WIPF3: variants seen among roughly 807,000 people sequenced by gnomAD.
WIPF3 encodes WAS/WASL-interacting protein family member 3.
A neutral mutation model predicts 38.9 loss-of-function variants in WIPF3; 33 were observed. The observed-to-expected ratio is 0.85, with a 90% confidence interval of 0.64 to 1.14. The LOEUF (loss-of-function observed/expected upper bound fraction) is 1.14. Ranked by LOEUF, WIPF3 falls within the 50% of genes most tolerant of loss-of-function variation. The pLI is 0.00. For missense variants in WIPF3, 711 were observed against 652.5 expected (o/e 1.09, Z -0.98); for synonymous variants, 324 against 269.3 (o/e 1.20, Z -1.99).
chr7:29,869,091 G>C (rs1310544704), intron 2 of WIPF3, among the ~76,000 whole-genome samples: 1 of 151,462 alleles, frequency 6.6e-6, no homozygotes, highest in Non-Finnish European at 1.5e-5. Flanking sequence ...GTGCAATGGC[G>C]CAATTTTGGC....
At position 29,915,665 on chromosome 7, in the gene WIPF3, CAGGCCG is replaced by C. The variant is rs1786600760; in HGVS notation, c.*1150_*1155del. The C allele has an allele frequency of 6.6e-6, 1 of 152,274 alleles. No individual in the cohort carries two copies. Among genetic ancestry groups the C allele is most frequent in the Non-Finnish European group, 1.5e-5 (1 of 68,122 alleles). 9.4% of individuals were successfully genotyped at this position (152,274 alleles called of 1,614,324 possible). On this transcript the variant is annotated 3_prime_UTR_variant, in exon 9 of 9. Coordinates refer to ENST00000242140, the MANE Select transcript of WIPF3 (RefSeq NM_001080529.3). ...CAGCCACTCTGAATATGGAAAAGGT[CAGGCCG>C]GGCTGGTCCTGCTCTTCACTCCCTC...
chr7:29,902,990 C>G (rs889718225), intron 7 of WIPF3, among the ~76,000 whole-genome samples: 1 of 151,980 alleles, frequency 6.6e-6, no homozygotes, highest in Non-Finnish European at 1.5e-5. Context: ...CAAAATGAGT[C>G]TTTGTAAATA....
At chr7:29,889,905 C>T (rs1331366774) in intron 7 of WIPF3, among the ~76,000 whole-genome samples, 1 of 152,196 alleles carries the variant, frequency 6.6e-6, no homozygotes, top group East Asian at 1.9e-4. Context: ...ACCACATAAT[C>T]AGAATATCAA....
chr7:29,902,516 T>C (rs1414364447), intron 7 of WIPF3, among the ~76,000 whole-genome samples: 1 of 152,150 alleles, frequency 6.6e-6, no homozygotes, highest in African/African-American at 2.4e-5. Context: ...TTATATATGT[T>C]GTAGAAAAGT....
chr7:29,819,910 T>G (rs1380493496), intron 1 of WIPF3, among the ~76,000 whole-genome samples: 1 of 152,124 alleles, frequency 6.6e-6, no homozygotes, highest in African/African-American at 2.4e-5. Context: ...GAGATTTTCT[T>G]TGCACTATTT....
intron 2 of WIPF3, among the ~76,000 whole-genome samples, chr7:29,862,852 A>G (rs1785319215): frequency 6.6e-6 from 1 of 151,754 alleles, no homozygotes; most frequent in Non-Finnish European, 1.5e-5. Flanking sequence ...TTTTATCCTT[A>G]TGGCACTATT....
At position 29,822,123 on chromosome 7, in the gene WIPF3, G is replaced by GTTTTTTTTTTTTTTTTTTTT; in HGVS notation, c.-57-12543_-57-12524dup. ...TATTCCTTTCCTTACTTTTTTCTTA[G>GTTTTTTTTTTTTTTTTTTTT]TTTTTTTTTTTTTTTTTTTTTGGTA... On this transcript the variant is annotated intron_variant, in intron 1 of 8. Coordinates refer to ENST00000242140, the MANE Select transcript of WIPF3 (RefSeq NM_001080529.3). Among the ~76,000 whole-genome samples, 29 of 62,824 alleles carry GTTTTTTTTTTTTTTTTTTTT rather than the reference G, an allele frequency of 4.6e-4. 1 individual carries two copies. Among genetic ancestry groups the GTTTTTTTTTTTTTTTTTTTT allele is most frequent in the African/African-American group, 6.3e-4 (9 of 14,370 alleles). 41.2% of individuals were successfully genotyped at this position (62,824 alleles called of 152,430 possible).
At chr7:29,822,107 CCTTA>C (rs911471819) in intron 1 of WIPF3, among the ~76,000 whole-genome samples, 17 of 136,276 alleles carry the variant, frequency 1.2e-4, no homozygotes, top group Admixed American at 1.2e-3. Flanking sequence ...CTATTCCTTT[CCTTA>C]CTTTTTTCTT....
At chr7:29,868,835 C>T (rs1023413947) in intron 2 of WIPF3, among the ~76,000 whole-genome samples, 1 of 152,060 alleles carries the variant, frequency 6.6e-6, no homozygotes, top group African/African-American at 2.4e-5. Context: ...ATTTGTGTAT[C>T]TAACCATATC....
At position 29,884,476 on chromosome 7, in the gene WIPF3, C is replaced by T. The variant is rs145976937; in HGVS notation, c.982C>T (p.Pro328Ser). The change falls in exon 5 of 9, where the codon CCT becomes TCT. Residue 328 changes from proline (P) to serine (S), a missense_variant. By Grantham distance (74) the Pro-to-Ser change is moderately conservative. Transcript: ENST00000242140. ...SSSETPPPLP[P>S]KSPSFQAPPQ... ...CAGTGAAACTCCACCCCCGCTACCC[C>T]CTAAATCCCCCAGCTTCCAGGCCCC... 37 of 1,566,400 alleles carry T rather than the reference C, an allele frequency of 2.4e-5. 1 individual carries two copies. In the Admixed American group the frequency reaches 4.1e-4, roughly 17 times the overall value.
intron 2 of WIPF3, among the ~76,000 whole-genome samples, chr7:29,864,818 C>G (rs1209411812): frequency 6.6e-6 from 1 of 152,168 alleles, no homozygotes; most frequent in Admixed American, 6.5e-5. Flanking sequence ...TAGACGTTCT[C>G]TTGCTCAGAA....
At chr7:29,904,468 A>C in intron 8 of WIPF3, 106 bp downstream of exon 8, 1 of 1,189,114 alleles carries the variant, frequency 8.4e-7, no homozygotes, top group Non-Finnish European at 1.2e-6. Context: ...ATTTTTCCTC[A>C]CACTCCTTTT....
chr7:29,884,464 C>A lies in WIPF3; in HGVS notation c.970C>A (p.Pro324Thr). The change falls in exon 5 of 9, where the codon CCC (proline) becomes ACC (threonine). Residue 324 changes from proline to threonine, a missense_variant. Physicochemically the swap from Pro to Thr is conservative, Grantham distance 38. Transcript: ENST00000242140. ...PGVNSSSETP[P>T]PLPPKSPSFQ... ...AGTTAATAGCAGCAGTGAAACTCCA[C>A]CCCCGCTACCCCCTAAATCCCCCAG... is the stretch of plus-strand genomic sequence containing the variant. The A allele has an allele frequency of 6.4e-7, 1 of 1,557,516 alleles. No individual in the cohort carries two copies. Among genetic ancestry groups the A allele is most frequent in the South Asian group, 1.2e-5 (1 of 84,382 alleles).
chr7:29,834,797 C>T lies in WIPF3; in HGVS notation c.73C>T (p.Pro25Ser), dbSNP rs1326824020. The change falls in exon 2 of 9, where the codon CCA (proline) becomes TCA (serine). Residue 25 changes from proline to serine, a missense_variant. Pro to Ser is a moderately conservative substitution (Grantham distance 74, BLOSUM62 -1). Coordinates refer to ENST00000242140, the MANE Select transcript of WIPF3 (RefSeq NM_001080529.3). ...PPPLGAPPPP[P>S]PSAPPVSTDT... The stretch of plus-strand genomic sequence containing the variant: ...GCCTCTGGGGGCTCCTCCCCCTCCC[C>T]CACCATCAGCACCCCCGGTAAGACC... The T allele has an allele frequency of 6.5e-7, 1 of 1,538,984 alleles. No individual in the cohort carries two copies. Among genetic ancestry groups the T allele is most frequent in the Non-Finnish European group, 8.8e-7 (1 of 1,140,312 alleles).
chr7:29,824,230 C>G (rs1399145354), intron 1 of WIPF3, among the ~76,000 whole-genome samples: 1 of 152,084 alleles, frequency 6.6e-6, no homozygotes, highest in Admixed American at 6.6e-5. Context: ...ATTGGTTGGC[C>G]CTGGTGGGGC....
chr7:29,859,732 A>G (rs941950439), intron 2 of WIPF3, among the ~76,000 whole-genome samples: 5 of 151,682 alleles, frequency 3.3e-5, no homozygotes, highest in African/African-American at 9.7e-5. Flanking sequence ...GGCTTGGGAA[A>G]CCCCAGCTGA....
chr7:29,852,910 T>G (rs1785126519), intron 2 of WIPF3, among the ~76,000 whole-genome samples: 1 of 152,144 alleles, frequency 6.6e-6, no homozygotes, highest in Non-Finnish European at 1.5e-5. Context: ...CCTCTAACAT[T>G]TTGCTGTCAG....
intron 2 of WIPF3, among the ~76,000 whole-genome samples, chr7:29,846,592 T>C (rs1281940275): frequency 6.7e-6 from 1 of 150,264 alleles, no homozygotes; most frequent in Non-Finnish European, 1.5e-5. Flanking sequence ...TCCCAGCTAC[T>C]CGGGAGGCTG....
intron 8 of WIPF3, among the ~76,000 whole-genome samples, chr7:29,908,646 C>T (rs1786445715): frequency 1.3e-5 from 2 of 152,122 alleles, no homozygotes; most frequent in African/African-American, 2.4e-5. Flanking sequence ...CATGGTGGCT[C>T]ATGCCTGTAA....
Sources: gnomAD v4.1 joint callset for allele counts (sites outside exome capture counted in the v4.1 genomes callset) on GRCh38, gnomAD v4.1.1 for gene constraint, MANE v1.5 for transcripts, NCBI Gene and HGNC (gene_info 2026-07-23, HGNC 2026-07-21) for gene names.